The following GRK5 variants were observed in gnomAD, a reference collection of about 807,000 sequenced individuals.
GRK5 encodes g protein-coupled receptor kinase GRK5.
GRK5 carries 40 observed loss-of-function variants against 78.4 expected under a neutral mutation model. The observed-to-expected ratio is 0.51, with a 90% CI of 0.40 to 0.66. GRK5 has a LOEUF of 0.66. GRK5 is among the 30% of genes least tolerant of loss of function. GRK5 has a pLI of 0.00. For synonymous variants in GRK5, 289 were observed against 296.8 expected (o/e 0.97, Z 0.27); for missense variants, 598 against 759.9 (o/e 0.79, Z 2.50).
intron 2 of GRK5, among the ~76,000 whole-genome samples, chr10:119,368,315 G>C (rs2133817528): frequency 6.6e-6 from 1 of 152,344 alleles, no homozygotes; most frequent in South Asian, 2.1e-4. Flanking sequence ...GCGAAATGCT[G>C]CCTTTAAACT....
chr10:119,308,508 C>T (rs538822852), intron 1 of GRK5, among the ~76,000 whole-genome samples: 87 of 152,304 alleles, frequency 5.7e-4, no homozygotes, highest in South Asian at 4.1e-3. Flanking sequence ...CAGGAGCAGC[C>T]CACTCCATGG....
intron 8 of GRK5, among the ~76,000 whole-genome samples, chr10:119,433,373 T>C (rs1202192640): frequency 6.6e-6 from 1 of 152,152 alleles, no homozygotes. Context: ...CGGGTTCTGC[T>C]CAGGGAAGAG....
At chr10:119,237,804 A>G (rs1330964874) in intron 1 of GRK5, among the ~76,000 whole-genome samples, 2 of 152,166 alleles carry the variant, frequency 1.3e-5, no homozygotes, top group Admixed American at 6.5e-5. Context: ...GACAAAGGAA[A>G]TGGAAGCAAG....
chr10:119,296,223 C>T (rs1330097650), intron 1 of GRK5, among the ~76,000 whole-genome samples: 1 of 152,170 alleles, frequency 6.6e-6, no homozygotes, highest in Non-Finnish European at 1.5e-5. Context: ...CCAGGCGTCA[C>T]GTCTAGTCCC....
intron 1 of GRK5, among the ~76,000 whole-genome samples, chr10:119,284,959 A>T (rs915894841): frequency 6.6e-6 from 1 of 152,118 alleles, no homozygotes; most frequent in Non-Finnish European, 1.5e-5. Context: ...CTGCGTGGGG[A>T]TCTGGCTCTG....
chr10:119,282,437 CAG>C (rs1474745091), intron 1 of GRK5, among the ~76,000 whole-genome samples: 1 of 152,206 alleles, frequency 6.6e-6, no homozygotes, highest in Non-Finnish European at 1.5e-5. Context: ...CCCGTCTCAC[CAG>C]GCTGTCTTGT....
chr10:119,452,477 C>A lies in GRK5; in HGVS notation c.1405-194C>A. 3.4e-6 allele frequency: 2 copies of A among 582,368 alleles called. No homozygotes were observed. Among genetic ancestry groups the A allele is most frequent in the South Asian group, 2.3e-5 (1 of 42,786 alleles). The allele number at this position is 582,368 out of a possible 1,614,324, so 36.1% of individuals were successfully genotyped here. A position where few individuals can be genotyped will look rare whatever the true frequency, so the allele number is the denominator to read the frequency against. On this transcript the variant is annotated intron_variant, in intron 13 of 15. Coordinates refer to ENST00000392870, the MANE Select transcript of GRK5 (RefSeq NM_005308.3). The surrounding 1 kb of genome is among the most constrained non-coding windows in gnomAD (Gnocchi z 4.4). ...ATCTGAGGTGGACAGGAAGCCCAGC[C>A]AAGCCACTGGGGCCGACCCCTCCCC...
At chr10:119,414,370 C>T (rs1366514797) in intron 4 of GRK5, among the ~76,000 whole-genome samples, 2 of 152,148 alleles carry the variant, frequency 1.3e-5, no homozygotes, top group East Asian at 1.9e-4. Context: ...ATATGTTGGA[C>T]GTTAGCGTGT....
intron 1 of GRK5, among the ~76,000 whole-genome samples, chr10:119,312,159 G>A (rs933790453): frequency 3.9e-5 from 6 of 152,098 alleles, no homozygotes; most frequent in East Asian, 3.9e-4. Context: ...GTGGTGATCC[G>A]CCCGCCTCGG....
chr10:119,427,473 C>CATCATCAGCATCACCGT (rs1564931015), intron 6 of GRK5, among the ~76,000 whole-genome samples: 1 of 150,284 alleles, frequency 6.7e-6, no homozygotes, highest in Admixed American at 6.6e-5. Flanking sequence ...AGCATCACCA[C>CATCATCAGCATCACCGT]CATCATCAGC....
At chr10:119,385,560 G>A (rs980458154) in intron 3 of GRK5, among the ~76,000 whole-genome samples, 5 of 152,222 alleles carry the variant, frequency 3.3e-5, no homozygotes, top group African/African-American at 1.2e-4. Flanking sequence ...GGTGGCTCAA[G>A]CCATCTTAGT....
At chr10:119,294,574 G>A (rs1328806618) in intron 1 of GRK5, among the ~76,000 whole-genome samples, 1 of 152,176 alleles carries the variant, frequency 6.6e-6, no homozygotes, top group African/African-American at 2.4e-5. Flanking sequence ...TCAGGTGTGA[G>A]CCAGTGGTCA....
At chr10:119,291,773 T>TATCTTC (rs1849966533) in intron 1 of GRK5, among the ~76,000 whole-genome samples, 1 of 137,564 alleles carries the variant, frequency 7.3e-6, no homozygotes, top group African/African-American at 2.8e-5. Flanking sequence ...TCCTCCTCCT[T>TATCTTC]ATCCTCATCC....
At chr10:119,384,989 C>T (rs1851769845) in intron 3 of GRK5, among the ~76,000 whole-genome samples, 2 of 152,072 alleles carry the variant, frequency 1.3e-5, no homozygotes, top group South Asian at 2.1e-4. Flanking sequence ...TTTGAAAAGG[C>T]GACATTTGAC....
At chr10:119,369,476 G>A (rs369805482) in intron 2 of GRK5, among the ~76,000 whole-genome samples, 305 of 152,074 alleles carry the variant, frequency 2.0e-3, no homozygotes, top group African/African-American at 7.0e-3. Context: ...CCCAGGCCCC[G>A]CACGGAAAGG....
chr10:119,414,278 C>T (rs1454833347), intron 4 of GRK5, among the ~76,000 whole-genome samples: 2 of 152,228 alleles, frequency 1.3e-5, no homozygotes, highest in Non-Finnish European at 2.9e-5. Context: ...GTCTCCCGGG[C>T]CGACCTTTTG....
intron 1 of GRK5, among the ~76,000 whole-genome samples, chr10:119,317,566 G>A (rs1244481696): frequency 1.3e-5 from 2 of 152,124 alleles, no homozygotes; most frequent in African/African-American, 2.4e-5. Context: ...TATAGGAGGG[G>A]CCTCATACGG....
chr10:119,255,892 G>A (rs1251953309), intron 1 of GRK5, among the ~76,000 whole-genome samples: 2 of 152,136 alleles, frequency 1.3e-5, no homozygotes, highest in African/African-American at 2.4e-5. Flanking sequence ...CTGGGCCCAG[G>A]GAACAACCAC....
chr10:119,417,487 A>C (rs994687897), intron 4 of GRK5, among the ~76,000 whole-genome samples: 15 of 152,172 alleles, frequency 9.9e-5, no homozygotes, highest in Non-Finnish European at 1.9e-4. Context: ...CATTCACTCT[A>C]AACCCATTGC....
Sources: allele counts gnomAD v4.1 joint callset (sites outside exome capture counted in the v4.1 genomes callset), GRCh38; gene constraint gnomAD v4.1.1; non-coding constraint Gnocchi (gnomAD v3.1); transcripts MANE v1.5; gene names NCBI Gene and HGNC (gene_info 2026-07-23, HGNC 2026-07-21).